GALK1: variants seen among roughly 807,000 people sequenced by gnomAD.
GALK1 encodes the protein galactokinase 1, also known as galactokinase.
GALK1 carries 30 observed loss-of-function variants against 38.6 expected under a neutral mutation model. The observed-to-expected ratio is 0.78, with a 90% CI of 0.58 to 1.05. The LOEUF (loss-of-function observed/expected upper bound fraction) is 1.05. Among genes scored for constraint, GALK1 ranks in the 50% least tolerant of loss-of-function variants. The pLI is 0.00. For synonymous variants in GALK1, 240 were observed against 233.6 expected, an observed-to-expected ratio of 1.03 and a Z score of -0.25; for missense variants, 512 against 540.5, an observed-to-expected ratio of 0.95 and a Z score of 0.52.
chr17:75,764,777 A>T, intron 1 of GALK1, 195 bp downstream of exon 1: 1 of 663,278 alleles, frequency 1.5e-6, no homozygotes, highest in Non-Finnish European at 2.6e-6. Flanking sequence ...TCTCCCGGCC[A>T]CTTCCTCGCT....
chr17:75,752,669 A>G, intron 8 of GALK1: 1 of 1,516,106 alleles, frequency 6.6e-7, no homozygotes, highest in Middle Eastern at 1.7e-4. Context: ...GGGGCCAGCA[A>G]CTAGAGGACA....
chr17:75,762,638 G>A, intron 5 of GALK1, 66 bp downstream of exon 5: 1 of 1,569,206 alleles, frequency 6.4e-7, no homozygotes, highest in Non-Finnish European at 8.8e-7. Flanking sequence ...GCAGGGTCAA[G>A]GCCACACTGA....
rs1013729660 is a variant in GALK1, at chr17:75,765,140, G to A, written c.-4C>T. The A allele has an allele frequency of 4.5e-6, 7 of 1,557,278 alleles. No individual in the cohort carries two copies. The highest frequency in any genetic ancestry group is 6.1e-6 in the Non-Finnish European group (7 of 1,153,642). On this transcript the variant is annotated 5_prime_UTR_variant, in exon 1 of 8. Transcript: ENST00000588479. ...GGGGCTGTCTCAAAGCAGCCATGAC[G>A]CGCGCCTGCAGCTCTGCACAGCTGC...
chr17:75,752,622 G>A (rs1285648658), intron 8 of GALK1: 1 of 1,610,148 alleles, frequency 6.2e-7, no homozygotes, highest in Non-Finnish European at 8.5e-7. Flanking sequence ...GGGGGTCTTG[G>A]GTACAGAGTG....
chr17:75,756,410 C>T, downstream of GALK1: 1 of 1,612,412 alleles, frequency 6.2e-7, no homozygotes, highest in Non-Finnish European at 8.5e-7. Context: ...TACTGTGTGC[C>T]CCCACCTGAT....
At chr17:75,756,874 G>C (rs375178466), downstream of GALK1, 2 of 1,611,900 alleles carry the variant, frequency 1.2e-6, no homozygotes, top group Non-Finnish European at 1.7e-6. Flanking sequence ...TGCCCACCCC[G>C]GGGGCAGGAG....
chr17:75,755,995 AC>A, downstream of GALK1: 1 of 1,013,096 alleles, frequency 9.9e-7, no homozygotes, highest in Non-Finnish European at 1.5e-6. Context: ...AGGGTCTCCC[AC>A]CCCATTCTCC....
At chr17:75,757,517 C>T (rs1331585753), downstream of GALK1, 1 of 1,613,462 alleles carries the variant, frequency 6.2e-7, no homozygotes, top group South Asian at 1.1e-5. Flanking sequence ...CAGCGGAACC[C>T]TTAGCACCCA....
At position 75,763,349 on chromosome 17, in the gene GALK1, G is replaced by A. The variant is rs753104550; in HGVS notation, c.446C>T (p.Thr149Met). The stretch of plus-strand genomic sequence containing the variant: ...ACAGAGCTGCTGGAGGAAGGTGTAC[G>A]TGGCCACTTCCAAGGATGCTGAGCT... ...LSSSASLEVA[T>M]YTFLQQLCPD... The change falls in exon 3 of 8, where the codon ACG (threonine) becomes ATG (methionine). Residue 149 changes from threonine to methionine, a missense_variant. Physicochemically the swap from Thr to Met is moderately conservative, Grantham distance 81 (BLOSUM62 -1). Transcript: ENST00000588479. 28 of 1,613,972 alleles carry A rather than the reference G, an allele frequency of 1.7e-5. No individual in the cohort carries two copies. Among genetic ancestry groups the A allele is most frequent in the South Asian group, 5.5e-5 (5 of 91,074 alleles).
chr17:75,761,393 G>A (rs886385669), intron 5 of GALK1, among the ~76,000 whole-genome samples: 2 of 151,496 alleles, frequency 1.3e-5, no homozygotes, highest in Admixed American at 6.6e-5. Context: ...AGGCTGAGGC[G>A]GGCAGATCAC....
At chr17:75,757,094 G>A, downstream of GALK1, 3 of 1,612,932 alleles carry the variant, frequency 1.9e-6, no homozygotes, top group Admixed American at 3.3e-5. Context: ...TCACCATAGA[G>A]TCCCAGGATG....
chr17:75,763,899 G>A lies in GALK1; in HGVS notation c.353C>T (p.Pro118Leu). ...NYVKGVIQYYPAAPLPGFSAV... is the reference protein window; with the variant it reads ...NYVKGVIQYYLAAPLPGFSAV... Reference sequence around the variant, plus strand: ...TGGCTCAGGCCTGGGCCCCATACCTGGGTAGTACTGAATCACTCCCTTGAC... The same window carrying A: ...TGGCTCAGGCCTGGGCCCCATACCTAGGTAGTACTGAATCACTCCCTTGAC... Residue 118 changes from proline to leucine, a missense_variant and splice_region_variant, in exon 2 of 8, where the codon CCA becomes CTA. By Grantham distance (98) the Pro-to-Leu change is moderately conservative. Coordinates refer to ENST00000588479, the MANE Select transcript of GALK1 (RefSeq NM_000154.2). 1 of 1,613,694 alleles carries A rather than the reference G, an allele frequency of 6.2e-7. No individual in the cohort carries two copies. The highest frequency in any genetic ancestry group is 8.5e-7 in the Non-Finnish European group (1 of 1,179,892).
intron 3 of GALK1, 84 bp downstream of exon 3, chr17:75,763,236 C>A: frequency 6.2e-7 from 1 of 1,611,412 alleles, no homozygotes; most frequent in Non-Finnish European, 8.5e-7. Flanking sequence ...CCTGCCACCC[C>A]CTCCATAAGG....
rs751762800 is a variant in GALK1, at chr17:75,758,261, C to T, written c.1056G>A (p.Thr352=). 1.9e-5 allele frequency: 31 copies of T among 1,597,418 alleles called. 1 individual carries two copies. The East Asian group carries it at 2.0e-4, about 11-fold the overall frequency. Residue 352 remains threonine (T), a synonymous_variant, in exon 7 of 8, where the codon ACG becomes ACA. Coordinates refer to ENST00000588479, the MANE Select transcript of GALK1 (RefSeq NM_000154.2). ...CAGCGGAGGCCTCCAGCAGTGTCAC[C>T]GTGCAGCCACCGAAGCCACCGCCCG... ...RMTGGGFGGC[T]VTLLEASAAP...
rs2061558458 is a variant in GALK1, at chr17:75,757,947, G to T, written c.*109C>A. On this transcript the variant is annotated 3_prime_UTR_variant, in exon 8 of 8. Coordinates refer to ENST00000588479, the MANE Select transcript of GALK1 (RefSeq NM_000154.2). ...TCTAGAGGAGGCAGGTACCACATTG[G>T]AGGCACAAGTTTATTGAGCACCCGG... 1 of 1,275,836 alleles carries T rather than the reference G, an allele frequency of 7.8e-7. No homozygotes were observed. The highest frequency in any genetic ancestry group is 1.1e-6 in the Non-Finnish European group (1 of 896,806). 79.0% of individuals were successfully genotyped at this position (1,275,836 alleles called of 1,614,324 possible). A position where few individuals can be genotyped will look rare whatever the true frequency, so the allele number is the denominator to read the frequency against.
chr17:75,764,703 G>A, intron 1 of GALK1: 1 of 606,966 alleles, frequency 1.6e-6, no homozygotes, highest in South Asian at 1.8e-5. Context: ...CATGCTCCCA[G>A]GTTGAAGGCG....
At chr17:75,756,415 C>A (rs1228895988), downstream of GALK1, 6 of 1,613,154 alleles carry the variant, frequency 3.7e-6, no homozygotes, top group Middle Eastern at 1.6e-4. Flanking sequence ...TGTGCCCCCA[C>A]CTGATCCCCC....
In GALK1 at chr17:75,758,146, G is replaced by T; in HGVS notation, c.1108-19C>A. On this transcript the variant is annotated intron_variant, in intron 7 of 7. Transcript: ENST00000588479. ...AGTGCTCCTGTAAGAGGCGGGCTGG[G>T]GGTGAGTGGCAGGGCCCCGGGAAGC... 6.2e-7 allele frequency: 1 copy of T among 1,612,312 alleles called. No individual in the cohort carries two copies.
downstream of GALK1, chr17:75,756,613 G>A: frequency 1.2e-6 from 2 of 1,612,722 alleles, no homozygotes; most frequent in Non-Finnish European, 1.7e-6. Flanking sequence ...TGTGTCCCCT[G>A]CCAGGTGAGT....
Sources: gnomAD v4.1 joint callset for allele counts (sites outside exome capture counted in the v4.1 genomes callset) on GRCh38, gnomAD v4.1.1 for gene constraint, MANE v1.5 for transcripts, NCBI Gene and HGNC (gene_info 2026-07-23, HGNC 2026-07-21) for gene names.